ULK4: variants seen among roughly 807,000 people sequenced by gnomAD.
ULK4 encodes the protein inactive serine/threonine-protein kinase ULK4.
In ULK4, 133 loss-of-function variants were observed where a neutral mutation model predicts 160.6. The observed-to-expected ratio is 0.83, with a 90% confidence interval of 0.72 to 0.96. The LOEUF is 0.96. Among genes scored for constraint, ULK4 ranks in the 40% least tolerant of loss-of-function variants. The pLI is 0.00. For synonymous variants in ULK4, 534 were observed against 539.8 expected (o/e 0.99, Z 0.15); for missense variants, 1,580 against 1,499.5 (o/e 1.05, Z -0.89).
intron 29 of ULK4, among the ~76,000 whole-genome samples, chr3:41,665,431 T>A (rs1195241097): frequency 6.6e-6 from 1 of 152,144 alleles, no homozygotes. Flanking sequence ...CATACTCAAA[T>A]GGGACCTGAG....
At chr3:41,868,360 C>T (rs1191815550) in intron 17 of ULK4, among the ~76,000 whole-genome samples, 2 of 152,242 alleles carry the variant, frequency 1.3e-5, no homozygotes, top group Middle Eastern at 3.4e-3. Flanking sequence ...AGTAATACTC[C>T]CTTAATTTCT....
chr3:41,334,168 T>C (rs2080504638), intron 35 of ULK4, among the ~76,000 whole-genome samples: 1 of 152,110 alleles, frequency 6.6e-6, no homozygotes, highest in African/African-American at 2.4e-5. Context: ...GCTGTGGTGA[T>C]GGGAAGAGGG....
chr3:41,281,338 A>T (rs570936735), intron 35 of ULK4, among the ~76,000 whole-genome samples: 4 of 152,334 alleles, frequency 2.6e-5, no homozygotes, highest in Non-Finnish European at 5.9e-5. Flanking sequence ...AGCCTTGCAG[A>T]GACACACAAA....
intron 32 of ULK4, among the ~76,000 whole-genome samples, chr3:41,535,663 G>A (rs2086473066): frequency 6.6e-6 from 1 of 151,678 alleles, no homozygotes; most frequent in African/African-American, 2.4e-5. Flanking sequence ...TCATGTGGTC[G>A]TGCTTCATGA....
At chr3:41,863,136 G>A (rs563901950) in intron 17 of ULK4, among the ~76,000 whole-genome samples, 1 of 151,400 alleles carries the variant, frequency 6.6e-6, no homozygotes, top group Non-Finnish European at 1.5e-5. Context: ...GTGTTCTAAT[G>A]TAGTGCAGCT....
chr3:41,662,372 T>C (rs886441273), intron 30 of ULK4, among the ~76,000 whole-genome samples: 5 of 152,144 alleles, frequency 3.3e-5, no homozygotes, highest in East Asian at 1.9e-4. Context: ...GGGAAGGTAA[T>C]AGGCTCGAGA....
chr3:41,789,061 C>T (rs181920142), intron 21 of ULK4, among the ~76,000 whole-genome samples: 4 of 152,254 alleles, frequency 2.6e-5, no homozygotes, highest in Non-Finnish European at 5.9e-5. Flanking sequence ...GCTGCTGGTC[C>T]AGGGATCACT....
chr3:41,571,033 T>C (rs2087954055), intron 31 of ULK4, among the ~76,000 whole-genome samples: 1 of 152,232 alleles, frequency 6.6e-6, no homozygotes, highest in Non-Finnish European at 1.5e-5. Context: ...TGGAGGAAAC[T>C]GTTCCACTTC....
chr3:41,332,205 AG>A (rs2080457423), intron 35 of ULK4, among the ~76,000 whole-genome samples: 1 of 139,476 alleles, frequency 7.2e-6, no homozygotes, highest in South Asian at 2.2e-4. Flanking sequence ...TCCAGCCAAG[AG>A]GAAAAAAAAA....
At chr3:41,453,813 T>C (rs1426540153) in intron 34 of ULK4, among the ~76,000 whole-genome samples, 1 of 152,032 alleles carries the variant, frequency 6.6e-6, no homozygotes, top group Non-Finnish European at 1.5e-5. Flanking sequence ...ATGGATATCA[T>C]AGAAAAATTC....
intron 35 of ULK4, among the ~76,000 whole-genome samples, chr3:41,265,774 C>G (rs1575371484): frequency 6.6e-6 from 1 of 152,168 alleles, no homozygotes; most frequent in Non-Finnish European, 1.5e-5. Flanking sequence ...TTTTGCGAAG[C>G]CTTTGAGAGT....
chr3:41,899,546 G>A (rs893046811), intron 13 of ULK4, among the ~76,000 whole-genome samples: 12 of 152,198 alleles, frequency 7.9e-5, no homozygotes, highest in African/African-American at 1.7e-4. Context: ...AGCCCAAGAC[G>A]GCTTTGAAAG....
At chr3:41,592,034 T>C (rs539500936) in intron 31 of ULK4, among the ~76,000 whole-genome samples, 194 of 152,300 alleles carry the variant, frequency 1.3e-3, no homozygotes, top group Non-Finnish European at 2.4e-4. Context: ...CCAGAACTAC[T>C]GCAGGAATAT....
chr3:41,457,454 A>G (rs2083581285), intron 33 of ULK4, among the ~76,000 whole-genome samples: 1 of 152,194 alleles, frequency 6.6e-6, no homozygotes, highest in South Asian at 2.1e-4. Context: ...GAAGAAAGAG[A>G]AGGCTACAGC....
intron 32 of ULK4, among the ~76,000 whole-genome samples, chr3:41,516,525 T>C (rs1575341776): frequency 6.6e-6 from 1 of 152,100 alleles, no homozygotes; most frequent in East Asian, 1.9e-4. Context: ...ATCCAGTCAT[T>C]TGCAACAACA....
At chr3:41,434,179 A>T (rs1464540747) in intron 34 of ULK4, among the ~76,000 whole-genome samples, 38 of 152,220 alleles carry the variant, frequency 2.5e-4, no homozygotes, top group Admixed American at 2.5e-3. Flanking sequence ...AACAAGGTGT[A>T]TATGAAACAT....
intron 17 of ULK4, among the ~76,000 whole-genome samples, chr3:41,864,281 G>A (rs2042568260): frequency 6.6e-6 from 1 of 151,864 alleles, no homozygotes. Flanking sequence ...CCAGTGCCCA[G>A]AGATGTTCTC....
chr3:41,847,241 T>A (rs574155383), intron 17 of ULK4, among the ~76,000 whole-genome samples: 2 of 152,358 alleles, frequency 1.3e-5, no homozygotes, highest in South Asian at 2.1e-4. Flanking sequence ...AGGAAGATGA[T>A]GAATTAGGAA....
At chr3:41,442,740 T>C (rs1485344609) in intron 34 of ULK4, among the ~76,000 whole-genome samples, 1 of 152,088 alleles carries the variant, frequency 6.6e-6, no homozygotes, top group Non-Finnish European at 1.5e-5. Context: ...ACTACAGACA[T>C]GAGCCACTGC....
Sources: gnomAD v4.1 joint callset for allele counts (sites outside exome capture counted in the v4.1 genomes callset) on GRCh38, gnomAD v4.1.1 for gene constraint, MANE v1.5 for transcripts, NCBI Gene and HGNC (gene_info 2026-07-23, HGNC 2026-07-21) for gene names.